Variants in CEP112 observed in about 807,000 individuals in gnomAD.
The protein encoded by CEP112 is centrosomal protein of 112 kDa.
Under a neutral mutation model 153.0 loss-of-function variants are expected in CEP112, and 127 were observed. That is an observed-to-expected ratio of 0.83 (90% CI 0.72 to 0.96). The LOEUF (loss-of-function observed/expected upper bound fraction) is 0.96, where lower values mean the gene tolerates loss of function less well. Ranked by LOEUF, CEP112 falls within the 40% of genes least tolerant of loss-of-function variation. The probability of loss-of-function intolerance (pLI) is 0.00; values close to 1 mark genes in which losing one functional copy is unlikely to be tolerated. For missense variants in CEP112, 1,089 were observed against 1,101.2 expected (o/e 0.99, Z 0.16); for synonymous variants, 358 against 374.4 (o/e 0.96, Z 0.51).
chr17:65,993,390 T>C (rs1281830848), intron 17 of CEP112, among the ~76,000 whole-genome samples: 7 of 152,208 alleles, frequency 4.6e-5, no homozygotes, highest in African/African-American at 1.7e-4. Context: ...TGAATGGTGC[T>C]GCAATGAACA....
chr17:65,926,389 C>T (rs1194286687), intron 19 of CEP112, among the ~76,000 whole-genome samples: 2 of 152,138 alleles, frequency 1.3e-5, no homozygotes, highest in Non-Finnish European at 2.9e-5. Flanking sequence ...CTGGCAAAGG[C>T]TATAAAGGTA....
At chr17:65,823,357 A>C (rs1275504792) in intron 21 of CEP112, among the ~76,000 whole-genome samples, 1 of 152,216 alleles carries the variant, frequency 6.6e-6, no homozygotes, top group Non-Finnish European at 1.5e-5. Context: ...GAAGAAAAAC[A>C]GAAAGTCCAC....
intron 24 of CEP112, chr17:65,688,345 T>G (rs1328421557): frequency 6.6e-6 from 1 of 152,270 alleles, no homozygotes. Context: ...CCAGTTTTCA[T>G]TCTTCTCCCA....
At chr17:65,936,878 C>G (rs1354685327) in intron 18 of CEP112, among the ~76,000 whole-genome samples, 1 of 148,876 alleles carries the variant, frequency 6.7e-6, no homozygotes, top group African/African-American at 2.5e-5. Context: ...CGAAGCTGTA[C>G]TGTACTGCCA....
intron 6 of CEP112, among the ~76,000 whole-genome samples, chr17:66,124,906 G>T (rs1359557665): frequency 1.3e-5 from 2 of 152,112 alleles, no homozygotes; most frequent in Non-Finnish European, 1.5e-5. Context: ...ATGGCCAGAA[G>T]TTTACATTCA....
intron 18 of CEP112, among the ~76,000 whole-genome samples, chr17:65,954,463 T>C (rs12453730): frequency 0.41 from 62,646 of 151,686 alleles, 14,305 homozygotes; most frequent in East Asian, 0.87. Flanking sequence ...CTTTAACTCC[T>C]CCAAGAGATC....
chr17:65,724,189 T>C (rs1567919179), intron 23 of CEP112, among the ~76,000 whole-genome samples: 1 of 152,224 alleles, frequency 6.6e-6, no homozygotes, highest in Non-Finnish European at 1.5e-5. Flanking sequence ...CTGCTGCTAT[T>C]ATAGCAATAG....
rs931999211 is a variant in CEP112 at position 65,902,100 on chromosome 17, G to A, written c.2163+52C>T. The A allele has an allele frequency of 4.4e-6, 6 of 1,372,866 alleles. No individual in the cohort carries two copies. In the Middle Eastern group the frequency reaches 9.3e-4, roughly 212 times the overall value. 85.0% of individuals were successfully genotyped at this position (1,372,866 alleles called of 1,614,324 possible). A position where few individuals can be genotyped will look rare whatever the true frequency, so the allele number is the denominator to read the frequency against. ...GAATAATAAGAAAACATTAAACGCT[G>A]ATGACTTTTTAAAAACAGATACCCG... is the stretch of plus-strand genomic sequence containing the variant. On this transcript the variant is annotated intron_variant, in intron 20 of 26. Coordinates refer to ENST00000535342, the MANE Select transcript of CEP112 (RefSeq NM_001199165.4).
intron 20 of CEP112, among the ~76,000 whole-genome samples, chr17:65,865,574 T>C (rs528831436): frequency 6.6e-6 from 1 of 152,266 alleles, no homozygotes; most frequent in Non-Finnish European, 1.5e-5. Context: ...CTGGAGCCTC[T>C]GCCACGGCCT....
chr17:66,045,994 T>G (rs971537550), intron 12 of CEP112, among the ~76,000 whole-genome samples: 2 of 152,170 alleles, frequency 1.3e-5, no homozygotes, highest in Non-Finnish European at 2.9e-5. Context: ...CAAAGACAGA[T>G]ATGAGAATCC....
chr17:65,864,572 C>G (rs1394229902), intron 20 of CEP112, among the ~76,000 whole-genome samples: 1 of 152,178 alleles, frequency 6.6e-6, no homozygotes, highest in Non-Finnish European at 1.5e-5. Context: ...AACCTTTGGT[C>G]AGGCATTATC....
At chr17:65,647,857 T>C (rs904452725) in intron 24 of CEP112, among the ~76,000 whole-genome samples, 1 of 152,028 alleles carries the variant, frequency 6.6e-6, no homozygotes, top group Non-Finnish European at 1.5e-5. Context: ...ATGAGAACTT[T>C]TACCTGTGGA....
chr17:65,665,494 G>A (rs765484052), intron 24 of CEP112, among the ~76,000 whole-genome samples: 67 of 152,210 alleles, frequency 4.4e-4, no homozygotes, highest in Admixed American at 1.9e-3. Flanking sequence ...ACAAGCCTAG[G>A]ATACTGCGCG....
chr17:65,672,156 C>A, intron 24 of CEP112, among the ~76,000 whole-genome samples: 1 of 152,096 alleles, frequency 6.6e-6, no homozygotes, highest in African/African-American at 2.4e-5. Flanking sequence ...ACAAGGGAAA[C>A]CCATGAAAAG....
chr17:66,179,972 T>C (rs549789442), intron 2 of CEP112, among the ~76,000 whole-genome samples: 1 of 152,276 alleles, frequency 6.6e-6, no homozygotes, highest in South Asian at 2.1e-4. Context: ...CACCATTGTG[T>C]TATGATTTAT....
intron 24 of CEP112, among the ~76,000 whole-genome samples, chr17:65,653,131 G>A (rs1386937945): frequency 5.9e-5 from 9 of 152,150 alleles, no homozygotes; most frequent in Non-Finnish European, 1.5e-5. Flanking sequence ...CATCACATTG[G>A]GGATTAGGGA....
intron 21 of CEP112, among the ~76,000 whole-genome samples, chr17:65,812,445 T>C (rs961315330): frequency 4.6e-5 from 7 of 152,186 alleles, no homozygotes; most frequent in Non-Finnish European, 1.0e-4. Context: ...GGAATAGAAT[T>C]GGCTTAAACC....
intron 21 of CEP112, among the ~76,000 whole-genome samples, chr17:65,762,484 A>G (rs2052671498): frequency 6.6e-6 from 1 of 151,914 alleles, no homozygotes; most frequent in African/African-American, 2.4e-5. Context: ...ACTACTTTCT[A>G]TTCATTGTCC....
At chr17:65,725,048 TG>T (rs2050099991) in intron 23 of CEP112, among the ~76,000 whole-genome samples, 1 of 152,216 alleles carries the variant, frequency 6.6e-6, no homozygotes, top group Non-Finnish European at 1.5e-5. Context: ...ACAAAGTCTC[TG>T]ATTGAACAGT....
Sources: allele counts gnomAD v4.1 joint callset (sites outside exome capture counted in the v4.1 genomes callset), GRCh38; gene constraint gnomAD v4.1.1; transcripts MANE v1.5; gene names NCBI Gene and HGNC (gene_info 2026-07-23, HGNC 2026-07-21).